Variants in UBE3C observed in about 807,000 individuals in gnomAD.
The protein encoded by UBE3C is ubiquitin protein ligase E3C.
Under a neutral mutation model 129.4 loss-of-function variants are expected in UBE3C, and 42 were observed. That is an observed-to-expected ratio of 0.32 (90% CI 0.25 to 0.42). The LOEUF (loss-of-function observed/expected upper bound fraction) is 0.42. Ranked by LOEUF, UBE3C falls within the 10% of genes least tolerant of loss-of-function variation. UBE3C has a pLI of 1.00. For synonymous variants in UBE3C, 510 were observed against 492.4 expected (o/e 1.04, Z -0.47); for missense variants, 1,049 against 1,319.1 (o/e 0.80, Z 3.17).
chr7:157,223,420 C>A, intron 16 of UBE3C, 69 bp downstream of exon 16: 1 of 1,372,178 alleles, frequency 7.3e-7, no homozygotes, highest in African/African-American at 1.4e-5. Context: ...ACACACCCAC[C>A]AGAGAAATCT....
chr7:157,149,473 T>C (rs973185098), intron 1 of UBE3C, among the ~76,000 whole-genome samples: 1 of 152,148 alleles, frequency 6.6e-6, no homozygotes, highest in Admixed American at 6.5e-5. Context: ...TACAGGGAGG[T>C]GAGTAAAGCA....
chr7:157,153,176 T>A (rs1245711428), intron 1 of UBE3C, among the ~76,000 whole-genome samples: 1 of 152,148 alleles, frequency 6.6e-6, no homozygotes, highest in Non-Finnish European at 1.5e-5. Context: ...TCAGCCTGGA[T>A]GAAAGAGTGG....
rs181298182 is a variant in UBE3C at position 157,259,629 on chromosome 7, T to G, written c.3081+2585T>G. ...AAGTGAACGAAGCAAGACACAAGACTACGTATTATTATATGTAATTCCACT... is the reference window on the plus strand; with the variant it reads ...AAGTGAACGAAGCAAGACACAAGACGACGTATTATTATATGTAATTCCACT... On this transcript the variant is annotated intron_variant, in intron 22 of 22. Transcript: ENST00000348165. Among the ~76,000 whole-genome samples the G allele has an allele frequency of 1.6e-4, 24 of 152,286 alleles. No individual in the cohort carries two copies. In the East Asian group the frequency reaches 4.4e-3, roughly 28 times the overall value.
chr7:157,194,698 A>G (rs933294502), intron 10 of UBE3C, among the ~76,000 whole-genome samples: 1 of 152,246 alleles, frequency 6.6e-6, no homozygotes, highest in African/African-American at 2.4e-5. Flanking sequence ...ATCATCATGA[A>G]TAGACTGTTG....
In UBE3C at chr7:157,269,035, T is replaced by G. The variant is rs896758978; in HGVS notation, c.*1280T>G. ...ATACTTTTAAAGTGGGAAAGCTGAA[T>G]GACACTTTTAAGACAATGAACATTA... is the stretch of plus-strand genomic sequence containing the variant. On this transcript the variant is annotated 3_prime_UTR_variant, in exon 23 of 23. Coordinates refer to ENST00000348165, the MANE Select transcript of UBE3C (RefSeq NM_014671.3). 4 of 152,640 alleles carry G rather than the reference T, an allele frequency of 2.6e-5. No homozygotes were observed. Among genetic ancestry groups the G allele is most frequent in the African/African-American group, 9.7e-5 (4 of 41,438 alleles). The allele number at this position is 152,640 out of a possible 1,614,324, so 9.5% of individuals were successfully genotyped here.
chr7:157,183,006 C>T (rs544726699), intron 8 of UBE3C, among the ~76,000 whole-genome samples: 8 of 152,312 alleles, frequency 5.3e-5, no homozygotes, highest in African/African-American at 1.9e-4. Flanking sequence ...CTCGGCTTCC[C>T]ACAGTGCTGG....
At position 157,186,822 on chromosome 7, in the gene UBE3C, G is replaced by C. The variant is rs765825320; in HGVS notation, c.1144-12G>C. The C allele has an allele frequency of 1.2e-6, 2 of 1,613,388 alleles. No homozygotes were observed. Among genetic ancestry groups the C allele is most frequent in the Admixed American group, 3.3e-5 (2 of 60,016 alleles). ...CACATTTATGGAGACTGGTTGTTCTGGTATGTTCTAGGAGGATGGCAGACT... is the reference window on the plus strand; with the variant it reads ...CACATTTATGGAGACTGGTTGTTCTCGTATGTTCTAGGAGGATGGCAGACT... On this transcript the variant is annotated splice_polypyrimidine_tract_variant and intron_variant, in intron 9 of 22. Coordinates refer to ENST00000348165, the MANE Select transcript of UBE3C (RefSeq NM_014671.3).
intron 8 of UBE3C, 83 bp downstream of exon 8, chr7:157,182,411 A>G: frequency 2.8e-6 from 4 of 1,405,368 alleles, no homozygotes; most frequent in Admixed American, 4.1e-5. Context: ...ATGCAGTGGC[A>G]GGTGTTATGG....
At chr7:157,245,368 T>A (rs1036615469) in intron 18 of UBE3C, among the ~76,000 whole-genome samples, 5 of 152,236 alleles carry the variant, frequency 3.3e-5, no homozygotes, top group African/African-American at 1.2e-4. Context: ...AGGGCTTTTC[T>A]TCAGCACCTG....
chr7:157,232,688 T>C (rs779805429), intron 18 of UBE3C, among the ~76,000 whole-genome samples: 1 of 152,218 alleles, frequency 6.6e-6, no homozygotes, highest in Non-Finnish European at 1.5e-5. Flanking sequence ...GAAATTAATG[T>C]TGCTATTGTG....
At chr7:157,213,651 CCAGT>C (rs1809657831) in intron 13 of UBE3C, among the ~76,000 whole-genome samples, 2 of 152,074 alleles carry the variant, frequency 1.3e-5, no homozygotes, top group South Asian at 2.1e-4. Context: ...CAAAATGGAT[CCAGT>C]CAAATTTTCA....
rs1413061950 is a variant in UBE3C, at chr7:157,186,913, T to G, written c.1223T>G (p.Leu408Arg). The change falls in exon 10 of 23, where the codon CTG (leucine) becomes CGG (arginine). Residue 408 changes from leucine to arginine, a missense_variant. This residue lies in a region of UBE3C where 489 missense variants were observed against 513.8 expected (regional missense o/e 0.95). Coordinates refer to ENST00000348165, the MANE Select transcript of UBE3C (RefSeq NM_014671.3). ...GACACAAAGCAGCAGACCAACACCC[T>G]GCTCAACCTGGTGTGGAGGGACTCT... The part of the protein sequence containing the change: ...KLDTKQQTNT[L>R]LNLVWRDSAS... 6.2e-7 allele frequency: 1 copy of G among 1,614,172 alleles called. No homozygotes were observed. Among genetic ancestry groups the G allele is most frequent in the South Asian group, 1.1e-5 (1 of 91,070 alleles).
At chr7:157,165,233 C>G (rs1230915577) in intron 2 of UBE3C, among the ~76,000 whole-genome samples, 1 of 152,122 alleles carries the variant, frequency 6.6e-6, no homozygotes, top group Non-Finnish European at 1.5e-5. Context: ...TTCTCCTCCT[C>G]TCCTACTTGG....
intron 12 of UBE3C, 48 bp from the exon 13 acceptor site, chr7:157,207,655 T>C: frequency 6.3e-7 from 1 of 1,597,938 alleles, no homozygotes; most frequent in Non-Finnish European, 8.5e-7. Context: ...TCAGTGTGTG[T>C]TAAAAGATGG....
chr7:157,150,684 C>T (rs1300084173), intron 1 of UBE3C, among the ~76,000 whole-genome samples: 1 of 152,054 alleles, frequency 6.6e-6, no homozygotes, highest in Non-Finnish European at 1.5e-5. Context: ...TATTTATGAA[C>T]ATGATTTATT....
At chr7:157,202,344 T>C (rs777726935) in intron 11 of UBE3C, among the ~76,000 whole-genome samples, 4 of 152,186 alleles carry the variant, frequency 2.6e-5, no homozygotes, top group Non-Finnish European at 4.4e-5. Flanking sequence ...TACTCTGTTG[T>C]TGAATTTTTC....
Position 157,267,759 on chromosome 7 carries a change from T to C in UBE3C, c.*4T>C. ...CGCTGGCTTTGAGCTGAGCTGAAGC[T>C]GATGCTGGGGTCAGACCCCTACAGA... On this transcript the variant is annotated 3_prime_UTR_variant, in exon 23 of 23. Coordinates refer to ENST00000348165, the MANE Select transcript of UBE3C (RefSeq NM_014671.3). 6.3e-7 allele frequency: 1 copy of C among 1,597,378 alleles called. No individual in the cohort carries two copies. The highest frequency in any genetic ancestry group is 1.1e-5 in the South Asian group (1 of 88,438).
intron 18 of UBE3C, among the ~76,000 whole-genome samples, chr7:157,237,964 A>G (rs1381786554): frequency 3.3e-5 from 5 of 151,648 alleles, no homozygotes; most frequent in African/African-American, 7.3e-5. Context: ...AGGTGGGAGG[A>G]TTGCTTGAGC....
chr7:157,242,044 A>T (rs894253747), intron 18 of UBE3C, among the ~76,000 whole-genome samples: 1 of 152,240 alleles, frequency 6.6e-6, no homozygotes, highest in Non-Finnish European at 1.5e-5. Flanking sequence ...TCTTTTTAGA[A>T]TAATGAAAAT....
Sources: gnomAD v4.1 joint callset for allele counts (sites outside exome capture counted in the v4.1 genomes callset) on GRCh38, gnomAD v4.1.1 for gene constraint, gnomAD v4.1.1 regional missense constraint, MANE v1.5 for transcripts, NCBI Gene and HGNC (gene_info 2026-07-23, HGNC 2026-07-21) for gene names.